Variants in CENPP observed in about 807,000 individuals in gnomAD.
CENPP encodes the protein centromere protein P.
CENPP carries 24 observed loss-of-function variants against 35.6 expected under a neutral mutation model. The observed-to-expected ratio is 0.67, with a 90% CI of 0.49 to 0.95. CENPP has a LOEUF of 0.95. CENPP is among the 40% of genes least tolerant of loss of function. CENPP has a pLI of 0.00. For synonymous variants in CENPP, 120 were observed against 125.5 expected (o/e 0.96, Z 0.29); for missense variants, 332 against 345.3 (o/e 0.96, Z 0.31).
In CENPP at chr9:92,616,669, GT is replaced by G. The variant is rs1264819672; in HGVS notation, c.*3524del. On this transcript the variant is annotated 3_prime_UTR_variant, in exon 8 of 8. Coordinates refer to ENST00000375587, the MANE Select transcript of CENPP (RefSeq NM_001012267.3). ...TTTGTATTTTGCTTCTCAGGGCTTA[GT>G]TTTGTGGTTTTAACCTCAGAAGTCG... 6.6e-6 allele frequency: 1 copy of G among 152,516 alleles called. No homozygotes were observed. 9.4% of individuals were successfully genotyped at this position (152,516 alleles called of 1,614,324 possible).
At chr9:92,382,516 A>T (rs896497446) in intron 5 of CENPP, among the ~76,000 whole-genome samples, 3 of 152,140 alleles carry the variant, frequency 2.0e-5, no homozygotes, top group African/African-American at 7.2e-5. Flanking sequence ...TTAAATTTTG[A>T]TGGAGACCAG....
At chr9:92,478,215 C>T (rs1845782519) in intron 5 of CENPP, among the ~76,000 whole-genome samples, 1 of 152,062 alleles carries the variant, frequency 6.6e-6, no homozygotes, top group Admixed American at 6.5e-5. Flanking sequence ...GCATATACTG[C>T]TGTCTTTTCC....
intron 5 of CENPP, among the ~76,000 whole-genome samples, chr9:92,608,536 C>T (rs1029122634): frequency 3.3e-5 from 5 of 152,214 alleles, no homozygotes; most frequent in African/African-American, 9.6e-5. Flanking sequence ...CCCACTCTGT[C>T]TTGAGTTGTA....
Position 92,567,589 on chromosome 9 carries a change from G to A in CENPP, c.565-43725G>A, listed in dbSNP as rs1003193568. On this transcript the variant is annotated intron_variant, in intron 5 of 7. Coordinates refer to ENST00000375587, the MANE Select transcript of CENPP (RefSeq NM_001012267.3). ...CTTTAAAAATATTATTAGTCTAAAA[G>A]CTAATATTATAATTTTGGTTTGTAA... Among the ~76,000 whole-genome samples the A allele has an allele frequency of 5.9e-5, 9 of 151,780 alleles. 1 individual carries two copies. The South Asian group carries it at 1.3e-3, about 21-fold the overall frequency.
chr9:92,542,616 A>G (rs918616825), intron 5 of CENPP, among the ~76,000 whole-genome samples: 1 of 151,892 alleles, frequency 6.6e-6, no homozygotes, highest in Non-Finnish European at 1.5e-5. Context: ...TCCCGGGTTC[A>G]AGTAATTCCC....
intron 5 of CENPP, among the ~76,000 whole-genome samples, chr9:92,584,376 T>A (rs1268443758): frequency 6.6e-6 from 1 of 152,154 alleles, no homozygotes; most frequent in Non-Finnish European, 1.5e-5. Context: ...TGAGACAGGG[T>A]CTTACTCTAT....
intron 5 of CENPP, among the ~76,000 whole-genome samples, chr9:92,606,224 C>T (rs1179709734): frequency 6.6e-6 from 1 of 152,026 alleles, no homozygotes; most frequent in Non-Finnish European, 1.5e-5. Flanking sequence ...AATGCACCAC[C>T]ACACTCCAGC....
intron 5 of CENPP, among the ~76,000 whole-genome samples, chr9:92,404,027 G>C (rs1392321058): frequency 6.6e-6 from 1 of 152,128 alleles, no homozygotes; most frequent in African/African-American, 2.4e-5. Flanking sequence ...ATAATTTTTA[G>C]TTAATAGTAT....
chr9:92,355,538 A>C (rs769026331), intron 4 of CENPP, among the ~76,000 whole-genome samples: 8 of 152,190 alleles, frequency 5.3e-5, no homozygotes, highest in Non-Finnish European at 8.8e-5. Context: ...AGAGAAAATC[A>C]AACCATTTCT....
At chr9:92,539,920 C>T (rs1849278492) in intron 5 of CENPP, among the ~76,000 whole-genome samples, 1 of 152,122 alleles carries the variant, frequency 6.6e-6, no homozygotes, top group Admixed American at 6.5e-5. Flanking sequence ...TTTGTGTACG[C>T]ATTTCCAGGT....
At chr9:92,555,614 T>A (rs1472415892) in intron 5 of CENPP, among the ~76,000 whole-genome samples, 1 of 152,196 alleles carries the variant, frequency 6.6e-6, no homozygotes, top group African/African-American at 2.4e-5. Flanking sequence ...ATTTACAAGC[T>A]AGGAAGATTG....
At chr9:92,355,803 A>T (rs1841574077) in intron 4 of CENPP, among the ~76,000 whole-genome samples, 1 of 152,246 alleles carries the variant, frequency 6.6e-6, no homozygotes, top group South Asian at 2.1e-4. Flanking sequence ...CCCTTGTGGA[A>T]CATTGCATTT....
intron 5 of CENPP, among the ~76,000 whole-genome samples, chr9:92,395,586 C>CAA (rs1408810456): frequency 1.3e-5 from 2 of 152,092 alleles, no homozygotes; most frequent in Non-Finnish European, 2.9e-5. Context: ...AAGAAAGTGT[C>CAA]AAACTATTTT....
chr9:92,554,259 C>T (rs1012288789), intron 5 of CENPP, among the ~76,000 whole-genome samples: 4 of 151,878 alleles, frequency 2.6e-5, no homozygotes, highest in African/African-American at 9.7e-5. Context: ...TCTTGGCTCA[C>T]TGCAACCTCT....
intron 5 of CENPP, among the ~76,000 whole-genome samples, chr9:92,521,388 T>A (rs1245108383): frequency 6.6e-6 from 1 of 152,220 alleles, no homozygotes; most frequent in Non-Finnish European, 1.5e-5. Context: ...ACAATGTTTT[T>A]AAGTTGATTT....
Position 92,619,581 on chromosome 9 carries a change from A to G in CENPP, c.*6432A>G, listed in dbSNP as rs1431812553. 1 of 1,566,564 alleles carries G rather than the reference A, an allele frequency of 6.4e-7. No individual in the cohort carries two copies. Among genetic ancestry groups the G allele is most frequent in the Admixed American group, 1.9e-5 (1 of 52,184 alleles). On this transcript the variant is annotated 3_prime_UTR_variant, in exon 8 of 8. Coordinates refer to ENST00000375587, the MANE Select transcript of CENPP (RefSeq NM_001012267.3). The stretch of plus-strand genomic sequence containing the variant: ...ACTGCTGCACCTGCAGGGGCGGGAA[A>G]GATCAGCTCCAGGTCACACAGGAAG...
chr9:92,417,357 A>T (rs888156854), intron 5 of CENPP: 2 of 1,613,984 alleles, frequency 1.2e-6, no homozygotes, highest in African/African-American at 2.7e-5. Flanking sequence ...TTAGTTGGAC[A>T]GAAGCATTCA....
chr9:92,441,796 C>T (rs563485230), intron 5 of CENPP, among the ~76,000 whole-genome samples: 9 of 152,190 alleles, frequency 5.9e-5, no homozygotes, highest in Non-Finnish European at 8.8e-5. Context: ...AAAGATATAT[C>T]AACTTATGAC....
intron 5 of CENPP, among the ~76,000 whole-genome samples, chr9:92,483,616 G>A (rs1845981979): frequency 6.6e-6 from 1 of 152,168 alleles, no homozygotes; most frequent in African/African-American, 2.4e-5. Flanking sequence ...TAGATTTGGA[G>A]GCCAGCAAAG....
Sources: gnomAD v4.1 joint callset for allele counts (sites outside exome capture counted in the v4.1 genomes callset) on GRCh38, gnomAD v4.1.1 for gene constraint, MANE v1.5 for transcripts, NCBI Gene and HGNC (gene_info 2026-07-23, HGNC 2026-07-21) for gene names.